Variants in CFAP20DC observed in about 807,000 individuals in gnomAD.
The protein encoded by CFAP20DC is protein CFAP20DC.
In CFAP20DC, 84 loss-of-function variants were observed where a neutral mutation model predicts 101.7. The observed-to-expected ratio is 0.83, with a 90% CI of 0.69 to 0.99. The LOEUF (loss-of-function observed/expected upper bound fraction) is 0.99, where lower values mean the gene tolerates loss of function less well. Ranked by LOEUF, CFAP20DC falls within the 50% of genes least tolerant of loss-of-function variation. The pLI is 0.00. For synonymous variants in CFAP20DC, 359 were observed against 351.2 expected, an observed-to-expected ratio of 1.02 and a Z score of -0.25; for missense variants, 1,007 against 970.3, an observed-to-expected ratio of 1.04 and a Z score of -0.50.
intron 4 of CFAP20DC, among the ~76,000 whole-genome samples, chr3:59,036,216 G>C (rs1217302672): frequency 6.6e-6 from 1 of 152,166 alleles, no homozygotes; most frequent in African/African-American, 2.4e-5. Context: ...AAAGCTGGAA[G>C]CATTCCCTTT....
intron 4 of CFAP20DC, among the ~76,000 whole-genome samples, chr3:58,963,840 C>T (rs113635444): frequency 3.9e-5 from 6 of 152,240 alleles, no homozygotes; most frequent in African/African-American, 1.2e-4. Context: ...AGTTTACAGC[C>T]ATGACAGGAC....
In CFAP20DC at chr3:58,742,379, G is replaced by C; in HGVS notation, c.*81C>G. ...GATTTTGTGGTCACCCAACACATAA[G>C]TTGTGGTGACTCCTTAAGCGACCCT... is the stretch of plus-strand genomic sequence containing the variant. On this transcript the variant is annotated 3_prime_UTR_variant, in exon 17 of 17. Transcript: ENST00000482387. 1 of 1,370,554 alleles carries C rather than the reference G, an allele frequency of 7.3e-7. No homozygotes were observed. The allele number at this position is 1,370,554 out of a possible 1,614,324, so 84.9% of individuals were successfully genotyped here.
At chr3:58,771,750 C>G (rs1436776418) in intron 15 of CFAP20DC, among the ~76,000 whole-genome samples, 1 of 152,062 alleles carries the variant, frequency 6.6e-6, no homozygotes, top group Non-Finnish European at 1.5e-5. Context: ...TAAAACAATC[C>G]CTGTCTTCCA....
At chr3:58,916,429 A>G (rs918740959) in intron 5 of CFAP20DC, among the ~76,000 whole-genome samples, 1 of 152,004 alleles carries the variant, frequency 6.6e-6, no homozygotes, top group African/African-American at 2.4e-5. Context: ...CTTATCCATC[A>G]TGGTCACGCT....
intron 4 of CFAP20DC, among the ~76,000 whole-genome samples, chr3:58,996,119 T>C (rs1319317164): frequency 6.6e-6 from 1 of 152,160 alleles, no homozygotes; most frequent in Non-Finnish European, 1.5e-5. Context: ...AAAAAGTGTT[T>C]ACTTACAATA....
intron 4 of CFAP20DC, among the ~76,000 whole-genome samples, chr3:58,938,890 A>G (rs1466778043): frequency 6.6e-6 from 1 of 152,220 alleles, no homozygotes; most frequent in Non-Finnish European, 1.5e-5. Flanking sequence ...TGATATCATA[A>G]ATTCATTTAA....
In CFAP20DC at chr3:58,866,669, A is replaced by G. The variant is rs774970011; in HGVS notation, c.1155T>C (p.Asn385=). 1.3e-6 allele frequency: 2 copies of G among 1,584,142 alleles called. No individual in the cohort carries two copies. Among genetic ancestry groups the G allele is most frequent in the Admixed American group, 1.7e-5 (1 of 59,682 alleles). ...TAGTTGATGCTTTATCTTCAATCCT[A>G]TTATTTCCTGAAGAGCTACCTTTAT... ...ETPSGSSSGN[N]RIEDKASTIL... Residue 385 remains asparagine (N), a synonymous_variant, in exon 11 of 17, where the codon AAT becomes AAC. Coordinates refer to ENST00000482387, the MANE Select transcript of CFAP20DC (RefSeq NM_001394063.1).
intron 4 of CFAP20DC, among the ~76,000 whole-genome samples, chr3:58,996,904 A>G (rs964952604): frequency 6.6e-6 from 1 of 152,160 alleles, no homozygotes; most frequent in African/African-American, 2.4e-5. Context: ...ACCGGGGTGG[A>G]GCCACAGAGG....
intron 11 of CFAP20DC, among the ~76,000 whole-genome samples, chr3:58,865,082 G>A (rs2079567265): frequency 6.8e-6 from 1 of 147,120 alleles, no homozygotes; most frequent in South Asian, 2.1e-4. Context: ...TTTTCTCAAT[G>A]TAGTCTTTTT....
intron 5 of CFAP20DC, among the ~76,000 whole-genome samples, chr3:58,935,508 A>G (rs1453937064): frequency 6.6e-6 from 1 of 151,870 alleles, no homozygotes; most frequent in African/African-American, 2.4e-5. Flanking sequence ...GTATCGCGCT[A>G]CCTGACTTCA....
At chr3:58,951,768 G>A (rs1448749362) in intron 4 of CFAP20DC, among the ~76,000 whole-genome samples, 2 of 151,850 alleles carry the variant, frequency 1.3e-5, no homozygotes, top group South Asian at 2.1e-4. Flanking sequence ...GGGGTGGGGG[G>A]AGAGGGGAGG....
At chr3:58,731,112 A>G (rs964208849) in intron 3 of CFAP20DC, among the ~76,000 whole-genome samples, 2 of 152,166 alleles carry the variant, frequency 1.3e-5, no homozygotes, top group African/African-American at 4.8e-5. Context: ...AATTACACTA[A>G]TCTTAGCAAA....
intron 4 of CFAP20DC, among the ~76,000 whole-genome samples, chr3:59,030,823 T>C (rs1489512940): frequency 6.6e-6 from 1 of 152,112 alleles, no homozygotes; most frequent in Admixed American, 6.5e-5. Flanking sequence ...TTGTTTTTGT[T>C]TTTGTTTTTG....
chr3:59,019,693 A>C (rs1044527942), intron 4 of CFAP20DC, among the ~76,000 whole-genome samples: 1 of 152,090 alleles, frequency 6.6e-6, no homozygotes, highest in Non-Finnish European at 1.5e-5. Context: ...CAGAATGGTG[A>C]CACTTTCAAA....
rs550031884 is a variant in CFAP20DC, at chr3:58,936,456, T to A, written c.393+1192A>T. Among the ~76,000 whole-genome samples, 317 of 152,296 alleles carry A rather than the reference T, an allele frequency of 2.1e-3. 6 individuals are homozygous for A. Among genetic ancestry groups the A allele is most frequent in the Non-Finnish European group, 8.8e-4 (60 of 68,034 alleles). On this transcript the variant is annotated intron_variant, in intron 5 of 16. Coordinates refer to ENST00000482387, the MANE Select transcript of CFAP20DC (RefSeq NM_001394063.1). ...CCCAAAGGGTTAGAAATCATGCTGC[T>A]ATAAAGACACATGCACACGTATGTT...
Position 59,014,261 on chromosome 3 carries a change from T to C in CFAP20DC, c.278+25296A>G, listed in dbSNP as rs973130538. On this transcript the variant is annotated intron_variant, in intron 4 of 16. Transcript: ENST00000482387. The surrounding 1 kb of genome is among the most constrained non-coding windows in gnomAD (Gnocchi z 4.9). ...AAAAAGATCGACCTTAAACTAGATT[T>C]CCAACATTTCCATCTGTATGCAAAA... Among the ~76,000 whole-genome samples the C allele has an allele frequency of 6.6e-6, 1 of 152,132 alleles. No homozygotes were observed. The highest frequency in any genetic ancestry group is 1.5e-5 in the Non-Finnish European group (1 of 68,018).
In CFAP20DC at chr3:58,863,984, G is replaced by C; in HGVS notation, c.1259-92C>G. The C allele has an allele frequency of 8.0e-7, 1 of 1,248,884 alleles. No individual in the cohort carries two copies. The highest frequency in any genetic ancestry group is 1.1e-6 in the Non-Finnish European group (1 of 932,220). 77.4% of individuals were successfully genotyped at this position (1,248,884 alleles called of 1,614,324 possible). Reference sequence around the variant, plus strand: ...ATTTTTAGTTTTAGTTTTTGAGACAGTCTCACTCTGCCGCCTAGGCTGCAG... The same window carrying C: ...ATTTTTAGTTTTAGTTTTTGAGACACTCTCACTCTGCCGCCTAGGCTGCAG... On this transcript the variant is annotated intron_variant, in intron 11 of 16. Transcript: ENST00000482387. This position sits in a 1 kb window ranked among gnomAD's most constrained non-coding sequence, Gnocchi z 5.9.
intron 15 of CFAP20DC, among the ~76,000 whole-genome samples, chr3:58,789,880 C>T (rs2072706382): frequency 6.6e-6 from 1 of 152,128 alleles, no homozygotes; most frequent in African/African-American, 2.4e-5. Flanking sequence ...CATGGTGTTA[C>T]TGAGCTGCTA....
At chr3:58,842,400 T>A (rs1204034342) in intron 13 of CFAP20DC, among the ~76,000 whole-genome samples, 1 of 151,666 alleles carries the variant, frequency 6.6e-6, no homozygotes, top group East Asian at 1.9e-4. Context: ...AAGAAAGGGG[T>A]GACAGACGCA....
Sources: gnomAD v4.1 joint callset for allele counts (sites outside exome capture counted in the v4.1 genomes callset) on GRCh38, gnomAD v4.1.1 for gene constraint, Gnocchi (gnomAD v3.1) non-coding constraint, MANE v1.5 for transcripts, NCBI Gene and HGNC (gene_info 2026-07-23, HGNC 2026-07-21) for gene names.